Variants in GPC6 observed in about 807,000 individuals in gnomAD.
GPC6 encodes glypican-6.
GPC6 carries 14 observed loss-of-function variants against 55.2 expected under a neutral mutation model. The ratio of observed to expected loss-of-function variants is 0.25; its 90% CI spans 0.17 to 0.40. The LOEUF (loss-of-function observed/expected upper bound fraction) is 0.40, where lower values mean the gene tolerates loss of function less well. Ranked by LOEUF, GPC6 falls within the 10% of genes least tolerant of loss-of-function variation. The probability of loss-of-function intolerance (pLI) is 1.00; values close to 1 mark genes in which losing one functional copy is unlikely to be tolerated. For missense variants in GPC6, 641 were observed against 708.5 expected (o/e 0.90, Z 1.08); for synonymous variants, 278 against 259.6 (o/e 1.07, Z -0.68).
chr13:93,327,756 A>G (rs1331900364), intron 1 of GPC6, among the ~76,000 whole-genome samples: 1 of 146,826 alleles, frequency 6.8e-6, no homozygotes, highest in Non-Finnish European at 1.5e-5. Flanking sequence ...TTAAAATTAT[A>G]TATAATATAT....
intron 5 of GPC6, 61 bp downstream of exon 5, chr13:94,286,540 A>C: frequency 4.9e-6 from 7 of 1,441,860 alleles, no homozygotes; most frequent in Non-Finnish European, 6.8e-6. Flanking sequence ...AATAACCTAA[A>C]AACGAAGTAA....
intron 3 of GPC6, among the ~76,000 whole-genome samples, chr13:93,968,220 T>A (rs1381699075): frequency 6.6e-6 from 1 of 152,136 alleles, no homozygotes; most frequent in African/African-American, 2.4e-5. Context: ...GAGTGGGCCT[T>A]CAAGAGTGCA....
intron 2 of GPC6, among the ~76,000 whole-genome samples, chr13:93,806,081 A>C (rs9516293): frequency 6.6e-6 from 1 of 151,620 alleles, no homozygotes; most frequent in Admixed American, 6.6e-5. Context: ...TTCAGTATTA[A>C]ATCAGCTACA....
At chr13:94,114,173 A>G in intron 4 of GPC6, among the ~76,000 whole-genome samples, 1 of 151,412 alleles carries the variant, frequency 6.6e-6, no homozygotes, top group African/African-American at 2.4e-5. Flanking sequence ...AAAAAATTCT[A>G]AGAAAGGTAA....
Position 93,592,360 on chromosome 13 carries a change from A to AATATATATAT in GPC6, c.319+46945_319+46954dup, listed in dbSNP as rs34179629. On this transcript the variant is annotated intron_variant, in intron 2 of 8. Transcript: ENST00000377047. ...CCCCCATGCCTGGCTATATATGTAA[A>AATATATATAT]ATATATATATATATAAACATATCAA... Among the ~76,000 whole-genome samples the AATATATATAT allele has an allele frequency of 5.0e-4, 72 of 144,878 alleles. 1 individual carries two copies. Among genetic ancestry groups the AATATATATAT allele is most frequent in the Non-Finnish European group, 8.6e-4 (57 of 66,458 alleles).
At chr13:94,133,653 T>C (rs759379167) in intron 4 of GPC6, among the ~76,000 whole-genome samples, 1 of 152,038 alleles carries the variant, frequency 6.6e-6, no homozygotes, top group Non-Finnish European at 1.5e-5. Context: ...TCCATGAATA[T>C]AACTTGGAAG....
At chr13:93,779,907 G>A (rs1317057419) in intron 2 of GPC6, among the ~76,000 whole-genome samples, 1 of 152,040 alleles carries the variant, frequency 6.6e-6, no homozygotes, top group Non-Finnish European at 1.5e-5. Flanking sequence ...AAACCCCCTG[G>A]GACTGGAAGA....
intron 1 of GPC6, among the ~76,000 whole-genome samples, chr13:93,393,185 C>T (rs1341534447): frequency 1.3e-5 from 2 of 148,416 alleles, no homozygotes; most frequent in East Asian, 4.1e-4. Context: ...GTCGTCTGGG[C>T]TGGAGTGCAA....
chr13:93,697,846 A>G (rs183622184), intron 2 of GPC6, among the ~76,000 whole-genome samples: 2 of 152,282 alleles, frequency 1.3e-5, no homozygotes, highest in African/African-American at 4.8e-5. Flanking sequence ...CTTTTCTTAT[A>G]ATCCATCAAC....
intron 4 of GPC6, chr13:94,187,469 C>T (rs1165720076): frequency 1.3e-5 from 2 of 152,220 alleles, no homozygotes; most frequent in South Asian, 2.1e-4. Context: ...TTACTGGCAC[C>T]TCAACTAAAA....
chr13:93,895,234 G>GTGTGTGTGTGTGTGTGTGTGTGTATA (rs1196315147), intron 3 of GPC6, among the ~76,000 whole-genome samples: 1 of 108,206 alleles, frequency 9.2e-6, no homozygotes, highest in African/African-American at 3.7e-5. Context: ...GTGTGTGTGT[G>GTGTGTGTGTGTGTGTGTGTGTGTATA]TATATATATA....
At chr13:94,058,947 A>ATCATGGAT (rs1165700400) in intron 4 of GPC6, among the ~76,000 whole-genome samples, 2 of 152,126 alleles carry the variant, frequency 1.3e-5, no homozygotes, top group Non-Finnish European at 2.9e-5. Context: ...GGTATTATCC[A>ATCATGGAT]AAGTTTATGT....
intron 1 of GPC6, among the ~76,000 whole-genome samples, chr13:93,461,968 C>T (rs139851943): frequency 6.8e-4 from 103 of 152,284 alleles, no homozygotes; most frequent in Non-Finnish European, 1.0e-3. Flanking sequence ...TATGGTATCA[C>T]ATAATACATC....
At chr13:94,112,747 G>T (rs1886295891) in intron 4 of GPC6, among the ~76,000 whole-genome samples, 1 of 152,002 alleles carries the variant, frequency 6.6e-6, no homozygotes, top group Non-Finnish European at 1.5e-5. Flanking sequence ...ACTTTTTGGA[G>T]CTGACACTCT....
At position 93,362,217 on chromosome 13, in the gene GPC6, A is replaced by G. The variant is rs370612278; in HGVS notation, c.160+134601A>G. Among the ~76,000 whole-genome samples, 168 of 152,244 alleles carry G rather than the reference A, an allele frequency of 1.1e-3. 2 individuals are homozygous for G. The highest frequency in any genetic ancestry group is 3.9e-3 in the African/African-American group (163 of 41,566). ...AGTGGAAGCACTCAGCTCCTCAAAC[A>G]TCAGATTGTCTCTGCCCAGTTCTTC... On this transcript the variant is annotated intron_variant, in intron 1 of 8. Coordinates refer to ENST00000377047, the MANE Select transcript of GPC6 (RefSeq NM_005708.5).
At chr13:93,296,712 G>T (rs1231870775) in intron 1 of GPC6, among the ~76,000 whole-genome samples, 2 of 152,082 alleles carry the variant, frequency 1.3e-5, no homozygotes, top group East Asian at 1.9e-4. Flanking sequence ...CCATGAGGAG[G>T]CATTACATAG....
chr13:94,192,027 C>A (rs74440943), intron 4 of GPC6, among the ~76,000 whole-genome samples: 104 of 151,926 alleles, frequency 6.8e-4, no homozygotes, highest in African/African-American at 2.5e-3. Context: ...CTTCATCTCT[C>A]ACAATTCACA....
chr13:94,398,547 C>T lies in GPC6; in HGVS notation c.1371C>T (p.Asp457=). 6.2e-7 allele frequency: 1 copy of T among 1,613,654 alleles called. No homozygotes were observed. Residue 457 remains aspartate, a synonymous_variant, in exon 8 of 9, where the codon GAC becomes GAT. Transcript: ENST00000377047. ...PEVDVDITRP[D]TFIRQQIMAL... Reference sequence around the variant, plus strand: ...TGGATGTGGACATCACTCGGCCTGACACTTTCATCAGACAGCAGATTATGG... The same window carrying T: ...TGGATGTGGACATCACTCGGCCTGATACTTTCATCAGACAGCAGATTATGG...
At chr13:93,902,752 T>C (rs1305734953) in intron 3 of GPC6, among the ~76,000 whole-genome samples, 2 of 152,238 alleles carry the variant, frequency 1.3e-5, no homozygotes, top group East Asian at 1.9e-4. Context: ...AGGTGTTTCA[T>C]TGTGGTTTTC....
Sources: gnomAD v4.1 joint callset for allele counts (sites outside exome capture counted in the v4.1 genomes callset) on GRCh38, gnomAD v4.1.1 for gene constraint, MANE v1.5 for transcripts, NCBI Gene and HGNC (gene_info 2026-07-23, HGNC 2026-07-21) for gene names.